PKD1L1: variants seen among roughly 807,000 people sequenced by gnomAD.
PKD1L1 encodes polycystin-1-like protein 1.
Under a neutral mutation model 323.4 loss-of-function variants are expected in PKD1L1, and 236 were observed. The ratio of observed to expected loss-of-function variants is 0.73; its 90% CI spans 0.66 to 0.81. The LOEUF (loss-of-function observed/expected upper bound fraction) is 0.81, where lower values mean the gene tolerates loss of function less well. PKD1L1 is among the 40% of genes least tolerant of loss of function. The pLI, the probability that PKD1L1 is intolerant of heterozygous loss-of-function variation, is 0.00. For synonymous variants in PKD1L1, 1,344 were observed against 1,335.0 expected (o/e 1.01, Z -0.15); for missense variants, 3,320 against 3,508.0 (o/e 0.95, Z 1.35).
intron 7 of PKD1L1, among the ~76,000 whole-genome samples, chr7:47,923,254 G>A (rs1787591321): frequency 6.6e-6 from 1 of 151,164 alleles, no homozygotes; most frequent in Non-Finnish European, 1.5e-5. Context: ...ATGTTTATCT[G>A]CTGACCTTCC....
chr7:47,817,740 G>A (rs1019381678), intron 46 of PKD1L1, among the ~76,000 whole-genome samples: 12 of 152,036 alleles, frequency 7.9e-5, no homozygotes, highest in Middle Eastern at 3.2e-3. Flanking sequence ...CATGGTGATG[G>A]GCGCCTGTAG....
intron 54 of PKD1L1, 47 bp from the exon 55 acceptor site, chr7:47,796,197 A>G (rs1784523345): frequency 3.4e-6 from 5 of 1,453,856 alleles, no homozygotes; most frequent in Non-Finnish European, 4.7e-6. Flanking sequence ...TAGCAGCCTA[A>G]ATAAAGAGCT....
chr7:47,880,374 T>C (rs192091464), intron 21 of PKD1L1, among the ~76,000 whole-genome samples: 39,049 of 126,784 alleles, frequency 0.31, 7,763 homozygotes, highest in African/African-American at 0.5. Flanking sequence ...CTCCACCTCC[T>C]GGGTTCACGC....
At chr7:47,927,301 T>C (rs186233441) in intron 7 of PKD1L1, among the ~76,000 whole-genome samples, 2 of 151,888 alleles carry the variant, frequency 1.3e-5, no homozygotes, top group East Asian at 1.9e-4. Flanking sequence ...TTTTTTGAGA[T>C]GGAGTCTTGC....
At chr7:47,957,377 A>C in the PKD1L1 span, 1 of 152,332 alleles carries the variant, frequency 6.6e-6, no homozygotes, top group Admixed American at 6.5e-5. Context: ...GGAAAGGAGG[A>C]AGTTAACTGT....
Position 47,840,689 on chromosome 7 carries a change from G to T in PKD1L1, c.5446-122C>A. ...ACCCTTCCTCAAAACCATCTGCACG[G>T]TGGAGTGCCACAGCCTAGAGCCAGG... On this transcript the variant is annotated intron_variant, in intron 34 of 56. Coordinates refer to ENST00000289672, the MANE Select transcript of PKD1L1 (RefSeq NM_138295.5). This position sits in a 1 kb window ranked among gnomAD's most constrained non-coding sequence, Gnocchi z 4.1. 1.4e-6 allele frequency: 1 copy of T among 721,866 alleles called. No individual in the cohort carries two copies. Among genetic ancestry groups the T allele is most frequent in the Non-Finnish European group, 2.3e-6 (1 of 426,864 alleles). The allele number at this position is 721,866 out of a possible 1,614,324, so 44.7% of individuals were successfully genotyped here. A position where few individuals can be genotyped will look rare whatever the true frequency, so the allele number is the denominator to read the frequency against.
At chr7:47,959,677 GCCC>G in the PKD1L1 span, among the ~76,000 whole-genome samples, 5 of 129,930 alleles carry the variant, frequency 3.8e-5, no homozygotes, top group Admixed American at 3.8e-4. Flanking sequence ...CAGGCCAGCC[GCCC>G]CGTCCGGGAG....
chr7:47,855,042 G>T lies in PKD1L1; in HGVS notation c.4702-3C>A. 3 of 1,609,700 alleles carry T rather than the reference G, an allele frequency of 1.9e-6. No homozygotes were observed. The highest frequency in any genetic ancestry group is 2.5e-6 in the Non-Finnish European group (3 of 1,178,014). The stretch of plus-strand genomic sequence containing the variant: ...GTCGTTTTATTTCTCCTATTATCCT[G>T]TCATCACAAAGAAAACAAGTTAAGC... On this transcript the variant is annotated splice_region_variant and splice_polypyrimidine_tract_variant and intron_variant, in intron 29 of 56. Transcript: ENST00000289672.
rs1255539072 is a variant in PKD1L1 at position 47,898,213 on chromosome 7, A to T, written c.2065-19T>A. 6.3e-7 allele frequency: 1 copy of T among 1,598,746 alleles called. No individual in the cohort carries two copies. Among genetic ancestry groups the T allele is most frequent in the African/African-American group, 1.3e-5 (1 of 74,576 alleles). On this transcript the variant is annotated intron_variant, in intron 13 of 56. Transcript: ENST00000289672. ...TCCATATCTAAGTATCAAGAAGAGA[A>T]GATGTCTCATTAAAATGTCCATCAC...
At chr7:47,880,251 TATATATATATATAC>T (rs1191678743) in intron 21 of PKD1L1, among the ~76,000 whole-genome samples, 5 of 99,852 alleles carry the variant, frequency 5.0e-5, no homozygotes, top group East Asian at 2.2e-4. Context: ...AAATAAGATA[TATATATATATATAC>T]ATATATATAT....
chr7:47,870,225 G>T (rs182236604), intron 24 of PKD1L1, among the ~76,000 whole-genome samples: 1 of 151,486 alleles, frequency 6.6e-6, no homozygotes, highest in Non-Finnish European at 1.5e-5. Context: ...AGTACAAGGC[G>T]GGGAAAAAAA....
At chr7:47,957,858 AAAAAATATAT>A in the PKD1L1 span, among the ~76,000 whole-genome samples, 4 of 48,084 alleles carry the variant, frequency 8.3e-5, no homozygotes, top group Non-Finnish European at 1.7e-4. Context: ...TACAATTAAA[AAAAAATATAT>A]ATATATATAT....
chr7:47,777,890 G>A (rs1196305471), intron 56 of PKD1L1, among the ~76,000 whole-genome samples: 4 of 152,250 alleles, frequency 2.6e-5, no homozygotes. Flanking sequence ...GCCTTCAGGA[G>A]CAAGTTCAGA....
the PKD1L1 span, among the ~76,000 whole-genome samples, chr7:47,958,132 G>A: frequency 6.6e-6 from 1 of 151,868 alleles, no homozygotes. Flanking sequence ...ACCTTGAATA[G>A]CCAAAGCAAT....
chr7:47,782,380 C>A (rs896909021), intron 56 of PKD1L1, among the ~76,000 whole-genome samples: 17 of 152,314 alleles, frequency 1.1e-4, no homozygotes, highest in Non-Finnish European at 1.6e-4. Flanking sequence ...GAGGCCCTGG[C>A]AAGCACAAAT....
At chr7:47,847,629 A>G (rs976881953) in intron 31 of PKD1L1, among the ~76,000 whole-genome samples, 1 of 152,214 alleles carries the variant, frequency 6.6e-6, no homozygotes, top group Admixed American at 6.5e-5. Context: ...AAAATTGCCC[A>G]AGACTTTTTA....
chr7:47,839,345 A>G lies in PKD1L1; in HGVS notation c.5769+101T>C. 1 of 862,666 alleles carries G rather than the reference A, an allele frequency of 1.2e-6. No individual in the cohort carries two copies. Among genetic ancestry groups the G allele is most frequent in the Non-Finnish European group, 1.8e-6 (1 of 558,428 alleles). 53.4% of individuals were successfully genotyped at this position (862,666 alleles called of 1,614,324 possible). A position where few individuals can be genotyped will look rare whatever the true frequency, so the allele number is the denominator to read the frequency against. Reference sequence around the variant, plus strand: ...CTAAGAAAAGAGGAATACACTTTAGAAGAGTTCAAAGACACAACTGTGGCA... The same window carrying G: ...CTAAGAAAAGAGGAATACACTTTAGGAGAGTTCAAAGACACAACTGTGGCA... On this transcript the variant is annotated intron_variant, in intron 36 of 56. Coordinates refer to ENST00000289672, the MANE Select transcript of PKD1L1 (RefSeq NM_138295.5). The surrounding 1 kb of genome is among the most constrained non-coding windows in gnomAD (Gnocchi z 4.3).
intron 8 of PKD1L1, among the ~76,000 whole-genome samples, chr7:47,908,958 T>C (rs768922402): frequency 7.9e-5 from 12 of 152,162 alleles, no homozygotes; most frequent in South Asian, 2.1e-4. Context: ...AGTCTCCCCA[T>C]GGCCCCAGCC....
At position 47,827,367 on chromosome 7, in the gene PKD1L1, G is replaced by A; in HGVS notation, c.6837C>T (p.Arg2279=). 6.2e-7 allele frequency: 1 copy of A among 1,612,602 alleles called. No individual in the cohort carries two copies. Among genetic ancestry groups the A allele is most frequent in the African/African-American group, 1.3e-5 (1 of 75,040 alleles). Residue 2279 remains arginine, a synonymous_variant, in exon 45 of 57, where the codon CGC becomes CGT. Coordinates refer to ENST00000289672, the MANE Select transcript of PKD1L1 (RefSeq NM_138295.5). ...CCACCCACCTCAGGGCAGCCCGTGT[G>A]CGACTCTCTCTCCTCATCCTCTGTC... is the stretch of plus-strand genomic sequence containing the variant. ...GTRQRMRRES[R]TRAALRDISM...
Sources: allele counts gnomAD v4.1 joint callset (sites outside exome capture counted in the v4.1 genomes callset), GRCh38; gene constraint gnomAD v4.1.1; non-coding constraint Gnocchi (gnomAD v3.1); transcripts MANE v1.5; gene names NCBI Gene and HGNC (gene_info 2026-07-23, HGNC 2026-07-21).